BASP1: variants seen among roughly 807,000 people sequenced by gnomAD.
BASP1 encodes the protein brain acid soluble protein 1.
BASP1 carries 1 observed loss-of-function variant against 2.2 expected under a neutral mutation model. That is an observed-to-expected ratio of 0.46 (90% CI 0.16 to 2.17). The LOEUF is 2.17. BASP1 is among the 30% of genes most tolerant of loss of function. BASP1 has a pLI of 0.27. For missense variants in BASP1, 352 were observed against 327.2 expected (o/e 1.08, Z -0.58); for synonymous variants, 187 against 154.2 (o/e 1.21, Z -1.58).
chr5:17,224,737 G>T (rs1739460800), intron 1 of BASP1, among the ~76,000 whole-genome samples: 1 of 152,176 alleles, frequency 6.6e-6, no homozygotes, highest in Non-Finnish European at 1.5e-5. Context: ...ATGTGGATTT[G>T]GTTGATACTT....
intron 1 of BASP1, among the ~76,000 whole-genome samples, chr5:17,234,303 A>G (rs1739695229): frequency 6.6e-6 from 1 of 152,170 alleles, no homozygotes. Flanking sequence ...CTGTATGAAG[A>G]TTATTCTATT....
intron 1 of BASP1, among the ~76,000 whole-genome samples, chr5:17,222,674 AGT>A (rs372371956): frequency 6.6e-6 from 1 of 152,346 alleles, no homozygotes; most frequent in African/African-American, 2.4e-5. Context: ...AGAATGAAAT[AGT>A]GTGTTTTTCT....
chr5:17,253,184 A>G (rs1040424571), intron 1 of BASP1, among the ~76,000 whole-genome samples: 1 of 152,170 alleles, frequency 6.6e-6, no homozygotes, highest in Non-Finnish European at 1.5e-5. Context: ...AAAAGGACTT[A>G]TCTCTGTAAT....
chr5:17,275,372 G>C lies in BASP1; in HGVS notation c.156G>C (p.Lys52Asn), dbSNP rs747685486. The change falls in exon 2 of 2, where the codon AAG (lysine) becomes AAC (asparagine). Residue 52 changes from lysine to asparagine, a missense_variant. By Grantham distance (94) the Lys-to-Asn change is moderately conservative (BLOSUM62 0). Coordinates refer to ENST00000322611, the MANE Select transcript of BASP1 (RefSeq NM_006317.5). The surrounding 1 kb of genome is among the most constrained non-coding windows in gnomAD (Gnocchi z 5.3). Reference protein sequence around the residue: ...PQAAAEPAEAKEGKEKPDQDA... With the variant: ...PQAAAEPAEANEGKEKPDQDA... Reference sequence around the variant, plus strand: ...CGGCCGCAGAGCCCGCCGAGGCCAAGGAGGGCAAGGAGAAGCCCGACCAGG... The same window carrying C: ...CGGCCGCAGAGCCCGCCGAGGCCAACGAGGGCAAGGAGAAGCCCGACCAGG... 6.3e-7 allele frequency: 1 copy of C among 1,599,682 alleles called. No individual in the cohort carries two copies. The highest frequency in any genetic ancestry group is 1.8e-5 in the Admixed American group (1 of 56,886).
upstream of BASP1, chr5:17,217,083 A>AGAGAGAGAGAGAGTGAGTGAGAGAGT (rs1561160780): frequency 2.1e-5 from 3 of 144,122 alleles, no homozygotes; most frequent in South Asian, 2.3e-4. Context: ...AGAGAGAGAG[A>AGAGAGAGAGAGAGTGAGTGAGAGAGT]GAGAGAGAGA....
intron 1 of BASP1, among the ~76,000 whole-genome samples, chr5:17,229,497 A>T (rs1269108469): frequency 6.6e-6 from 1 of 152,158 alleles, no homozygotes; most frequent in African/African-American, 2.4e-5. Flanking sequence ...GCAAAACTGC[A>T]TTGTTCTAGG....
Position 17,274,597 on chromosome 5 carries a change from A to G in BASP1, c.-9-611A>G, listed in dbSNP as rs543681892. Among the ~76,000 whole-genome samples the G allele has an allele frequency of 7.9e-5, 12 of 152,302 alleles. No homozygotes were observed. In the East Asian group the frequency reaches 2.3e-3, roughly 29 times the overall value. The stretch of plus-strand genomic sequence containing the variant: ...TCCACGCTTGGTGTTTGCATCAGAC[A>G]TGGGATTGCAGATGAAAAACAGATA... On this transcript the variant is annotated intron_variant, in intron 1 of 1. Transcript: ENST00000322611.
chr5:17,218,387 G>A (rs1739312307), intron 1 of BASP1, among the ~76,000 whole-genome samples: 1 of 152,158 alleles, frequency 6.6e-6, no homozygotes, highest in South Asian at 2.1e-4. Context: ...CGACCCATGG[G>A]ACTCCTGGAT....
intron 1 of BASP1, among the ~76,000 whole-genome samples, chr5:17,221,599 A>G (rs1739395627): frequency 1.3e-5 from 2 of 152,284 alleles, no homozygotes; most frequent in South Asian, 2.1e-4. Flanking sequence ...GAGTAGATAT[A>G]TAGACAACTT....
chr5:17,245,761 G>C (rs1444955901), intron 1 of BASP1, among the ~76,000 whole-genome samples: 1 of 151,766 alleles, frequency 6.6e-6, no homozygotes, highest in Non-Finnish European at 1.5e-5. Context: ...ATGGAGAAAG[G>C]GATAAAAGAA....
chr5:17,234,202 G>A (rs764439099), intron 1 of BASP1, among the ~76,000 whole-genome samples: 3 of 152,084 alleles, frequency 2.0e-5, no homozygotes, highest in Non-Finnish European at 4.4e-5. Flanking sequence ...GGAGTGATTG[G>A]TAGATGTTTA....
intron 1 of BASP1, among the ~76,000 whole-genome samples, chr5:17,268,902 TATAA>T (rs1473093093): frequency 6.6e-6 from 1 of 152,250 alleles, no homozygotes; most frequent in South Asian, 2.1e-4. Context: ...ATATTTTTCC[TATAA>T]ATAGAAATTT....
At chr5:17,263,716 G>T (rs1740365129) in intron 1 of BASP1, among the ~76,000 whole-genome samples, 1 of 152,194 alleles carries the variant, frequency 6.6e-6, no homozygotes, top group Non-Finnish European at 1.5e-5. Context: ...GTGCTAATCT[G>T]TGTATGTGTA....
At chr5:17,221,419 G>A (rs1180678641) in intron 1 of BASP1, among the ~76,000 whole-genome samples, 1 of 99,788 alleles carries the variant, frequency 1.0e-5, no homozygotes, top group Non-Finnish European at 2.0e-5. Flanking sequence ...ACTATTATTT[G>A]TCAGAAGCAA....
At chr5:17,226,264 T>C (rs1426634591) in intron 1 of BASP1, among the ~76,000 whole-genome samples, 1 of 152,274 alleles carries the variant, frequency 6.6e-6, no homozygotes, top group Non-Finnish European at 1.5e-5. Flanking sequence ...GTGGTTCTAT[T>C]AGAGAAAAAT....
At chr5:17,228,859 A>G (rs1409621723) in intron 1 of BASP1, among the ~76,000 whole-genome samples, 2 of 152,240 alleles carry the variant, frequency 1.3e-5, no homozygotes, top group Non-Finnish European at 2.9e-5. Context: ...TGAGCTAGCC[A>G]GGAATCTCAG....
chr5:17,235,839 C>T (rs1397915860), intron 1 of BASP1, among the ~76,000 whole-genome samples: 6 of 152,114 alleles, frequency 3.9e-5, no homozygotes. Context: ...TTCCCATGAC[C>T]CCACAGGGAG....
Position 17,275,512 on chromosome 5 carries a change from A to C in BASP1, c.296A>C (p.Glu99Ala). 1 of 1,446,378 alleles carries C rather than the reference A, an allele frequency of 6.9e-7. No individual in the cohort carries two copies. Among genetic ancestry groups the C allele is most frequent in the Non-Finnish European group, 9.1e-7 (1 of 1,103,466 alleles). The allele number at this position is 1,446,378 out of a possible 1,614,324, so 89.6% of individuals were successfully genotyped here. Residue 99 changes from glutamate (E) to alanine (A), a missense_variant, in exon 2 of 2, where the codon GAG becomes GCG. Coordinates refer to ENST00000322611, the MANE Select transcript of BASP1 (RefSeq NM_006317.5). This position sits in a 1 kb window ranked among gnomAD's most constrained non-coding sequence, Gnocchi z 5.3. The part of the protein sequence containing the change: ...KTEGAAEAKA[E>A]PPKAPEQEQA... ...GAGGGCGCGGCAGAGGCCAAGGCTG[A>C]GCCCCCGAAGGCGCCCGAGCAGGAG...
At chr5:17,261,095 G>A (rs548877777) in intron 1 of BASP1, among the ~76,000 whole-genome samples, 6 of 152,242 alleles carry the variant, frequency 3.9e-5, no homozygotes, top group Admixed American at 2.0e-4. Flanking sequence ...GACCAAAGAT[G>A]GATGGTTTAT....
Sources: allele counts gnomAD v4.1 joint callset (sites outside exome capture counted in the v4.1 genomes callset), GRCh38; gene constraint gnomAD v4.1.1; non-coding constraint Gnocchi (gnomAD v3.1); transcripts MANE v1.5; gene names NCBI Gene and HGNC (gene_info 2026-07-23, HGNC 2026-07-21).